Variants in SLC25A22 observed in about 807,000 individuals in gnomAD.
SLC25A22 encodes solute carrier family 25 member 22, also known as mitochondrial glutamate carrier 1.
A neutral mutation model predicts 33.7 loss-of-function variants in SLC25A22; 23 were observed. The observed-to-expected ratio is 0.68, with a 90% CI of 0.49 to 0.97. The LOEUF (loss-of-function observed/expected upper bound fraction) is 0.97. Ranked by LOEUF, SLC25A22 falls within the 50% of genes least tolerant of loss-of-function variation. SLC25A22 has a pLI of 0.00. For synonymous variants in SLC25A22, 245 were observed against 203.8 expected (o/e 1.20, Z -1.72); for missense variants, 390 against 451.1 (o/e 0.86, Z 1.23).
Position 792,016 on chromosome 11 carries a change from G to T in SLC25A22, c.871C>A (p.Arg291Ser). 6.2e-7 allele frequency: 1 copy of T among 1,605,810 alleles called. No individual in the cohort carries two copies. Among genetic ancestry groups the T allele is most frequent in the Admixed American group, 1.7e-5 (1 of 59,088 alleles). The change falls in exon 10 of 10, where the codon CGC (arginine) becomes AGC (serine). Residue 291 changes from arginine to serine, a missense_variant. Coordinates refer to ENST00000628067, the MANE Select transcript of SLC25A22 (RefSeq NM_001191061.2). ...PSAFLKGAYC[R>S]ALVIAPLFGI... ...AAAAGGGGCGCGATGACCAGCGCGC[G>T]GCAGTAGGCGCCCTTCAGGAAGGCC...
intron 1 of SLC25A22, 37 bp from the exon 2 acceptor site, chr11:795,206 G>C (rs1864743270): frequency 1.4e-6 from 1 of 711,124 alleles, no homozygotes; most frequent in Non-Finnish European, 2.5e-6. Context: ...GTGAGGGTGG[G>C]GCCACCCGAA....
intron 7 of SLC25A22, 33 bp downstream of exon 7, chr11:792,520 C>T (rs538461515): frequency 6.2e-7 from 1 of 1,612,378 alleles, no homozygotes; most frequent in South Asian, 1.1e-5. Flanking sequence ...CGGCCTCCCC[C>T]TTCCCTCCCC....
At position 792,997 on chromosome 11, in the gene SLC25A22, G is replaced by A. The variant is rs201831836; in HGVS notation, c.294-9C>T. On this transcript the variant is annotated splice_polypyrimidine_tract_variant and intron_variant, in intron 5 of 9. Transcript: ENST00000628067. ...GCAGGGTCAGCTTCTGCCTGTGGTA[G>A]GGGCGGGGCCGCAGTAAGTGGGAAG... is the stretch of plus-strand genomic sequence containing the variant. 3.1e-6 allele frequency: 5 copies of A among 1,612,760 alleles called. No individual in the cohort carries two copies. The Admixed American group carries it at 6.7e-5, about 22-fold the overall frequency.
rs542750433 is a variant in SLC25A22 at position 791,036 on chromosome 11, C to T, written c.*879G>A. 6.6e-6 allele frequency: 1 copy of T among 152,440 alleles called. No homozygotes were observed. Among genetic ancestry groups the T allele is most frequent in the African/African-American group, 2.4e-5 (1 of 41,572 alleles). 9.4% of individuals were successfully genotyped at this position (152,440 alleles called of 1,614,324 possible). The stretch of plus-strand genomic sequence containing the variant: ...CCCTGCTCCCTGGCCAATCCCAGGC[C>T]AGGGTGGAGGACTCAGGAGAGACCA... On this transcript the variant is annotated 3_prime_UTR_variant, in exon 10 of 10. Coordinates refer to ENST00000628067, the MANE Select transcript of SLC25A22 (RefSeq NM_001191061.2).
chr11:798,206 C>G lies in SLC25A22; in HGVS notation c.-164+11G>C, dbSNP rs995215197. On this transcript the variant is annotated intron_variant, in intron 1 of 9. Coordinates refer to ENST00000628067, the MANE Select transcript of SLC25A22 (RefSeq NM_001191061.2). ...GGCGCAGCAGAAGGGAGCCGCCGGG[C>G]AGACACTCACCACGCTCGCCGCCGC... The G allele has an allele frequency of 2.5e-6, 1 of 397,374 alleles. No individual in the cohort carries two copies. The highest frequency in any genetic ancestry group is 3.6e-5 in the East Asian group (1 of 28,036). 24.6% of individuals were successfully genotyped at this position (397,374 alleles called of 1,614,324 possible). A position where few individuals can be genotyped will look rare whatever the true frequency, so the allele number is the denominator to read the frequency against.
At position 790,536 on chromosome 11, in the gene SLC25A22, A is replaced by G. The variant is rs559349713; in HGVS notation, c.*1379T>C. The stretch of plus-strand genomic sequence containing the variant: ...AGACACAAAAAGTTACAACTTCTTA[A>G]AACTCTTCAAAAGAAAAAAATATAA... On this transcript the variant is annotated 3_prime_UTR_variant, in exon 10 of 10. Transcript: ENST00000628067. 6.6e-6 allele frequency: 1 copy of G among 152,390 alleles called. No individual in the cohort carries two copies. Among genetic ancestry groups the G allele is most frequent in the East Asian group, 1.9e-4 (1 of 5,194 alleles). The allele number at this position is 152,390 out of a possible 1,614,324, so 9.4% of individuals were successfully genotyped here. A position where few individuals can be genotyped will look rare whatever the true frequency, so the allele number is the denominator to read the frequency against.
rs1864742506 is a variant in SLC25A22 at position 795,188 on chromosome 11, G to A, written c.-163-19C>T. On this transcript the variant is annotated intron_variant, in intron 1 of 9. Transcript: ENST00000628067. ...TTCTGTCCTAGAAGGATGAGGGAATGGGAATGAGTGAGGGTGGGGCCACCC... is the reference window on the plus strand; with the variant it reads ...TTCTGTCCTAGAAGGATGAGGGAATAGGAATGAGTGAGGGTGGGGCCACCC... 3.9e-6 allele frequency: 3 copies of A among 767,484 alleles called. No individual in the cohort carries two copies. The highest frequency in any genetic ancestry group is 3.4e-5 in the African/African-American group (2 of 58,454). The allele number at this position is 767,484 out of a possible 1,614,324, so 47.5% of individuals were successfully genotyped here.
At chr11:793,045 C>A in intron 5 of SLC25A22, 57 bp from the exon 6 acceptor site, 1 of 1,535,012 alleles carries the variant, frequency 6.5e-7, no homozygotes, top group African/African-American at 1.4e-5. Context: ...CTGCCACCCT[C>A]GGGGCTGCCC....
In SLC25A22 at chr11:790,791, G is replaced by A. The variant is rs1444490845; in HGVS notation, c.*1124C>T. ...CAGGGAGAGCTTCGGCTCACAGCAGGGATCGCCCGGTGGCAGGGGGGATGG... is the reference window on the plus strand; with the variant it reads ...CAGGGAGAGCTTCGGCTCACAGCAGAGATCGCCCGGTGGCAGGGGGGATGG... On this transcript the variant is annotated 3_prime_UTR_variant, in exon 10 of 10. Coordinates refer to ENST00000628067, the MANE Select transcript of SLC25A22 (RefSeq NM_001191061.2). The A allele has an allele frequency of 3.3e-5, 5 of 152,630 alleles. No individual in the cohort carries two copies. The highest frequency in any genetic ancestry group is 5.9e-5 in the Non-Finnish European group (4 of 68,328). The allele number at this position is 152,630 out of a possible 1,614,324, so 9.5% of individuals were successfully genotyped here.
At chr11:797,523 A>T (rs1864893921) in intron 1 of SLC25A22, 1 of 397,678 alleles carries the variant, frequency 2.5e-6, no homozygotes. Flanking sequence ...ACAGCAGGAG[A>T]GCAGAGACCA....
rs1469804021 is a variant in SLC25A22, at chr11:795,407, A to ACACGCCGCT, written c.-163-247_-163-239dup. On this transcript the variant is annotated intron_variant, in intron 1 of 9. Coordinates refer to ENST00000628067, the MANE Select transcript of SLC25A22 (RefSeq NM_001191061.2). Reference sequence around the variant, plus strand: ...CGCCAGCGTCTTCCCAGCCAGCCTCACACGCCGCTCACGCTCGGGGCTCAC... The same window carrying ACACGCCGCT: ...CGCCAGCGTCTTCCCAGCCAGCCTCACACGCCGCTCACGCCGCTCACGCTCGGGGCTCAC... 1.3e-4 allele frequency: 39 copies of ACACGCCGCT among 300,290 alleles called. 1 individual carries two copies. The African/African-American group carries it at 1.3e-3, about 10-fold the overall frequency. The allele number at this position is 300,290 out of a possible 1,614,324, so 18.6% of individuals were successfully genotyped here.
At chr11:795,926 G>A (rs955028750) in intron 1 of SLC25A22, 4 of 152,362 alleles carry the variant, frequency 2.6e-5, no homozygotes, top group African/African-American at 9.7e-5. Context: ...TAAGCAGCAA[G>A]GCTGGGGAGC....
Position 797,504 on chromosome 11 carries a change from G to A in SLC25A22, c.-164+713C>T, listed in dbSNP as rs1386152956. 7 of 397,740 alleles carry A rather than the reference G, an allele frequency of 1.8e-5. No homozygotes were observed. In the East Asian group the frequency reaches 2.5e-4, roughly 14 times the overall value. The allele number at this position is 397,740 out of a possible 1,614,324, so 24.6% of individuals were successfully genotyped here. ...TCAGGTGAACTGAGGCCACAGGCAA[G>A]CCAGGGAGACAGCAGGAGAGCAGAG... On this transcript the variant is annotated intron_variant, in intron 1 of 9. Transcript: ENST00000628067.
Position 792,595 on chromosome 11 carries a change from C to T in SLC25A22, c.545G>A (p.Gly182Asp). The change falls in exon 7 of 10, where the codon GGC becomes GAC. Residue 182 changes from glycine (G) to aspartate (D), a missense_variant. Gly to Asp is a moderately conservative substitution (Grantham distance 94). Transcript: ENST00000628067. ...QLTRDLLRSR[G>D]IAGLYKGLGA... ...GAGTCCCTTGTAGAGACCGGCAATG[C>T]CACGGCTCCGCAGCAGGTCGCGGGT... 1 of 1,611,296 alleles carries T rather than the reference C, an allele frequency of 6.2e-7. No individual in the cohort carries two copies.
chr11:794,335 G>A (rs780477336), intron 4 of SLC25A22, 123 bp downstream of exon 4: 7 of 1,127,072 alleles, frequency 6.2e-6, no homozygotes, highest in Middle Eastern at 1.9e-4. Context: ...CCACAAACAC[G>A]TCCACGCTCA....
intron 3 of SLC25A22, 75 bp downstream of exon 3, chr11:794,701 G>T: frequency 6.5e-7 from 1 of 1,550,338 alleles, no homozygotes; most frequent in Non-Finnish European, 8.7e-7. Flanking sequence ...AGGGTGGGGG[G>T]CACAGGAGCA....
chr11:791,086 G>C lies in SLC25A22; in HGVS notation c.*829C>G, dbSNP rs1590116024. 6.6e-6 allele frequency: 1 copy of C among 152,530 alleles called. No homozygotes were observed. The highest frequency in any genetic ancestry group is 1.5e-5 in the Non-Finnish European group (1 of 68,314). The allele number at this position is 152,530 out of a possible 1,614,324, so 9.4% of individuals were successfully genotyped here. The stretch of plus-strand genomic sequence containing the variant: ...AAGCTGGGTAAGTTAGTTCCTGGAC[G>C]GGGTCAACAGAGCCTGGGGCACACA... On this transcript the variant is annotated 3_prime_UTR_variant, in exon 10 of 10. Coordinates refer to ENST00000628067, the MANE Select transcript of SLC25A22 (RefSeq NM_001191061.2).
At position 792,569 on chromosome 11, in the gene SLC25A22, C is replaced by A. The variant is rs745436863; in HGVS notation, c.571G>T (p.Gly191Trp). The change falls in exon 7 of 10, where the codon GGG becomes TGG. Residue 191 changes from glycine to tryptophan, a missense_variant. Coordinates refer to ENST00000628067, the MANE Select transcript of SLC25A22 (RefSeq NM_001191061.2). ...RGIAGLYKGLGATLLRDVPFS... is the reference protein window; with the variant it reads ...RGIAGLYKGLWATLLRDVPFS... ...GCCTCCTACCTGAGCAGCGTGGCCC[C>A]GAGTCCCTTGTAGAGACCGGCAATG... is the stretch of plus-strand genomic sequence containing the variant. The A allele has an allele frequency of 1.2e-6, 2 of 1,612,134 alleles. No individual in the cohort carries two copies. The highest frequency in any genetic ancestry group is 8.5e-7 in the Non-Finnish European group (1 of 1,179,764).
At chr11:793,435 G>A (rs1010514240) in intron 5 of SLC25A22, 94 bp downstream of exon 5, 6 of 1,215,950 alleles carry the variant, frequency 4.9e-6, no homozygotes, top group Middle Eastern at 1.9e-4. Flanking sequence ...CTGAAGACAG[G>A]CAGAGCCCCC....
Sources: gnomAD v4.1 joint callset for allele counts on GRCh38, gnomAD v4.1.1 for gene constraint, MANE v1.5 for transcripts, NCBI Gene and HGNC (gene_info 2026-07-23, HGNC 2026-07-21) for gene names.